The following PLCB4 variants were observed in gnomAD, a reference collection of about 807,000 sequenced individuals.
The protein encoded by PLCB4 is phospholipase C beta 4, also known as 1-phosphatidylinositol 4,5-bisphosphate phosphodiesterase beta-4.
PLCB4 carries 77 observed loss-of-function variants against 178.8 expected under a neutral mutation model. The ratio of observed to expected loss-of-function variants is 0.43; its 90% CI spans 0.36 to 0.52. The LOEUF (loss-of-function observed/expected upper bound fraction) is 0.52. Among genes scored for constraint, PLCB4 ranks in the 20% least tolerant of loss-of-function variants. The pLI, the probability that PLCB4 is intolerant of heterozygous loss-of-function variation, is 0.00. For missense variants in PLCB4, 1,024 were observed against 1,453.4 expected, an observed-to-expected ratio of 0.70 and a Z score of 4.80; for synonymous variants, 496 against 490.8, an observed-to-expected ratio of 1.01 and a Z score of -0.14.
At chr20:9,171,452 T>C (rs1333023289) in intron 2 of PLCB4, among the ~76,000 whole-genome samples, 1 of 152,150 alleles carries the variant, frequency 6.6e-6, no homozygotes, top group Middle Eastern at 3.2e-3. Context: ...AGAGACCATA[T>C]TTTGTTAGGG....
chr20:9,100,558 T>TA (rs758541327), intron 2 of PLCB4, among the ~76,000 whole-genome samples: 63 of 152,182 alleles, frequency 4.1e-4, no homozygotes, highest in Non-Finnish European at 7.9e-4. Flanking sequence ...GAATATACTT[T>TA]AATGGAAGAA....
intron 4 of PLCB4, among the ~76,000 whole-genome samples, chr20:9,326,037 C>T (rs1332658786): frequency 2.6e-5 from 4 of 152,096 alleles, no homozygotes; most frequent in Non-Finnish European, 4.4e-5. Context: ...AAGGGGCAGC[C>T]GTCTCTCTGG....
In PLCB4 at chr20:9,389,890, A is replaced by G. The variant is rs750504432; in HGVS notation, c.1170A>G (p.Gln390=). ...TTTTGTTTTTAAAGGATGTAATTCA[A>G]GCCATCAAGGAAACTGCATTTGTCA... The part of the protein sequence containing the change: ...CTDILFKDVI[Q]AIKETAFVTS... Residue 390 remains glutamine (Q), a synonymous_variant, in exon 16 of 40, where the codon CAA becomes CAG. Transcript: ENST00000378473. 5.1e-6 allele frequency: 8 copies of G among 1,574,840 alleles called. No homozygotes were observed. In the African/African-American group the frequency reaches 9.4e-5, roughly 19 times the overall value.
At chr20:9,116,625 T>A (rs1029074714) in intron 2 of PLCB4, among the ~76,000 whole-genome samples, 1 of 152,118 alleles carries the variant, frequency 6.6e-6, no homozygotes, top group Non-Finnish European at 1.5e-5. Flanking sequence ...GACAATAGCT[T>A]TATAGAAACT....
chr20:9,097,453 G>C (rs1360711063), intron 2 of PLCB4, among the ~76,000 whole-genome samples: 3 of 151,540 alleles, frequency 2.0e-5, no homozygotes, highest in Non-Finnish European at 4.4e-5. Flanking sequence ...AGATTTGGGG[G>C]GTGTTTTAAG....
intron 7 of PLCB4, among the ~76,000 whole-genome samples, chr20:9,361,712 CT>C (rs1243529214): frequency 1.3e-5 from 2 of 152,188 alleles, no homozygotes; most frequent in Non-Finnish European, 2.9e-5. Flanking sequence ...CAAAACCATA[CT>C]CTGTTAGAAC....
rs2038068156 is a variant in PLCB4, at chr20:9,390,696, G to A, written c.1323+81G>A. ...TCTGAAGGGTCAAGTAGTACTAGAG[G>A]ACTAATGCTAAAGATCTTCATATTT... On this transcript the variant is annotated intron_variant, in intron 17 of 39. Coordinates refer to ENST00000378473, the MANE Select transcript of PLCB4 (RefSeq NM_001377142.1). 23 of 665,732 alleles carry A rather than the reference G, an allele frequency of 3.5e-5. No homozygotes were observed. The South Asian group carries it at 4.1e-4, about 12-fold the overall frequency. 41.2% of individuals were successfully genotyped at this position (665,732 alleles called of 1,614,324 possible).
intron 2 of PLCB4, among the ~76,000 whole-genome samples, chr20:9,188,754 G>A (rs71330242): frequency 1.5e-5 from 2 of 133,950 alleles, no homozygotes; most frequent in Admixed American, 7.2e-5. Flanking sequence ...CATTGTGGAG[G>A]GCTGTCATAT....
rs1296099501 is a variant in PLCB4, at chr20:9,480,572, A to G, written c.*1563A>G. 1 of 152,244 alleles carries G rather than the reference A, an allele frequency of 6.6e-6. No homozygotes were observed. The highest frequency in any genetic ancestry group is 2.4e-5 in the African/African-American group (1 of 41,462). 9.4% of individuals were successfully genotyped at this position (152,244 alleles called of 1,614,324 possible). On this transcript the variant is annotated 3_prime_UTR_variant, in exon 40 of 40. Transcript: ENST00000378473. ...TCATCGTTATTTTCAAAGGGGGCTT[A>G]TTAATACCCTCAGCATGTTTTTCAC...
chr20:9,431,603 T>C (rs2041403706), intron 28 of PLCB4, among the ~76,000 whole-genome samples: 1 of 151,894 alleles, frequency 6.6e-6, no homozygotes, highest in Non-Finnish European at 1.5e-5. Context: ...GTAGCTGGGA[T>C]TACAGGTGTG....
intron 2 of PLCB4, among the ~76,000 whole-genome samples, chr20:9,102,658 A>G (rs2091201879): frequency 6.6e-6 from 1 of 152,236 alleles, no homozygotes; most frequent in Non-Finnish European, 1.5e-5. Context: ...CTTAATAAAC[A>G]GAAATAACTA....
intron 2 of PLCB4, among the ~76,000 whole-genome samples, chr20:9,154,140 A>G (rs1007313110): frequency 1.1e-4 from 16 of 152,150 alleles, no homozygotes; most frequent in East Asian, 9.6e-4. Flanking sequence ...CACAGTGCAC[A>G]TGTGCAGCGA....
chr20:9,236,693 A>G (rs1601357870), intron 3 of PLCB4, among the ~76,000 whole-genome samples: 1 of 152,144 alleles, frequency 6.6e-6, no homozygotes, highest in East Asian at 1.9e-4. Context: ...TTTTGGATTG[A>G]TGGGAGAGGC....
At chr20:9,089,449 T>C (rs2090580362) in intron 1 of PLCB4, among the ~76,000 whole-genome samples, 1 of 152,108 alleles carries the variant, frequency 6.6e-6, no homozygotes, top group African/African-American at 2.4e-5. Context: ...TAATAGGTGG[T>C]AACCAATATA....
intron 3 of PLCB4, among the ~76,000 whole-genome samples, chr20:9,272,529 C>A (rs1015092713): frequency 1.3e-5 from 2 of 152,114 alleles, no homozygotes; most frequent in African/African-American, 4.8e-5. Context: ...CTCTCCTCCC[C>A]TCATTCCTCC....
rs1219956359 is a variant in PLCB4 at position 9,195,175 on chromosome 20, G to A, written c.-78-22215G>A. Among the ~76,000 whole-genome samples, 3 of 152,076 alleles carry A rather than the reference G, an allele frequency of 2.0e-5. No homozygotes were observed. The East Asian group carries it at 5.8e-4, about 29-fold the overall frequency. ...TCCTGGTTTTTCGCAAAATCATCCCGCATATTCTTTTTAGCTTTGTGTGGA... is the reference window on the plus strand; with the variant it reads ...TCCTGGTTTTTCGCAAAATCATCCCACATATTCTTTTTAGCTTTGTGTGGA... On this transcript the variant is annotated intron_variant, in intron 2 of 39. Transcript: ENST00000378473.
chr20:9,371,438 C>A (rs948925970), intron 10 of PLCB4, 143 bp downstream of exon 10: 8 of 431,630 alleles, frequency 1.9e-5, no homozygotes, highest in African/African-American at 1.4e-4. Context: ...AGTTAATTTT[C>A]TTTTCTTTCT....
chr20:9,240,218 A>C (rs2094043233), intron 3 of PLCB4, among the ~76,000 whole-genome samples: 1 of 152,184 alleles, frequency 6.6e-6, no homozygotes, highest in African/African-American at 2.4e-5. Flanking sequence ...GTGTCTGTAC[A>C]GAGGAGTAGC....
chr20:9,153,205 A>G (rs1193064064), intron 2 of PLCB4, among the ~76,000 whole-genome samples: 1 of 152,142 alleles, frequency 6.6e-6, no homozygotes, highest in Non-Finnish European at 1.5e-5. Context: ...AAATGAGTTA[A>G]GACTTTGGGG....
Sources: gnomAD v4.1 joint callset for allele counts (sites outside exome capture counted in the v4.1 genomes callset) on GRCh38, gnomAD v4.1.1 for gene constraint, MANE v1.5 for transcripts, NCBI Gene and HGNC (gene_info 2026-07-23, HGNC 2026-07-21) for gene names.